Variants in MBD5 observed in about 807,000 individuals in gnomAD.
The protein encoded by MBD5 is methyl-CpG-binding domain protein 5.
MBD5 carries 13 observed loss-of-function variants against 117.3 expected under a neutral mutation model. That is an observed-to-expected ratio of 0.11 (90% CI 0.07 to 0.18). The LOEUF is 0.18. MBD5 is among the 10% of genes least tolerant of loss of function. The pLI, the probability that MBD5 is intolerant of heterozygous loss-of-function variation, is 1.00. For synonymous variants in MBD5, 727 were observed against 766.4 expected, an observed-to-expected ratio of 0.95 and a Z score of 0.85; for missense variants, 1,879 against 2,093.8, an observed-to-expected ratio of 0.90 and a Z score of 2.00.
chr2:148,434,059 A>C (rs139193392), intron 4 of MBD5, among the ~76,000 whole-genome samples: 1 of 151,626 alleles, frequency 6.6e-6, no homozygotes, highest in East Asian at 1.9e-4. Context: ...TACTGATTCA[A>C]TTTCAGAACT....
chr2:148,460,854 T>G (rs1276578967), intron 5 of MBD5, among the ~76,000 whole-genome samples: 1 of 152,192 alleles, frequency 6.6e-6, no homozygotes, highest in African/African-American at 2.4e-5. Flanking sequence ...ATATACTTTC[T>G]TCTAAGTTAA....
At chr2:148,196,486 G>A (rs1386424779) in intron 2 of MBD5, among the ~76,000 whole-genome samples, 3 of 152,106 alleles carry the variant, frequency 2.0e-5, no homozygotes, top group Non-Finnish European at 4.4e-5. Context: ...GAAGACATTG[G>A]TATTAAAAGA....
At chr2:148,324,334 C>G (rs1702381715) in intron 3 of MBD5, among the ~76,000 whole-genome samples, 1 of 152,034 alleles carries the variant, frequency 6.6e-6, no homozygotes, top group Non-Finnish European at 1.5e-5. Flanking sequence ...TTTTGTGGTT[C>G]CATATGAACT....
intron 4 of MBD5, among the ~76,000 whole-genome samples, chr2:148,424,035 A>G (rs1206928360): frequency 2.0e-5 from 3 of 151,510 alleles, no homozygotes; most frequent in Non-Finnish European, 2.9e-5. Flanking sequence ...AAAATTACCC[A>G]TGCATGGTGG....
At chr2:148,365,307 A>G (rs1414950298) in intron 4 of MBD5, among the ~76,000 whole-genome samples, 1 of 152,222 alleles carries the variant, frequency 6.6e-6, no homozygotes, top group Non-Finnish European at 1.5e-5. Context: ...CAAAGACACA[A>G]CATACCAGAA....
At chr2:148,145,012 G>A (rs570671503) in intron 1 of MBD5, among the ~76,000 whole-genome samples, 2 of 152,288 alleles carry the variant, frequency 1.3e-5, no homozygotes, top group South Asian at 2.1e-4. Context: ...GATGGGGATG[G>A]CATCGAATCT....
intron 4 of MBD5, among the ~76,000 whole-genome samples, chr2:148,436,678 T>A (rs922043976): frequency 1.2e-4 from 19 of 152,136 alleles, no homozygotes; most frequent in African/African-American, 4.6e-4. Context: ...GGCCCTTGCT[T>A]TTCTAGATTA....
chr2:148,500,008 G>A (rs1681824257), intron 11 of MBD5, among the ~76,000 whole-genome samples: 1 of 151,924 alleles, frequency 6.6e-6, no homozygotes, highest in South Asian at 2.1e-4. Flanking sequence ...TTTAGTTTCA[G>A]GACTATATTT....
intron 4 of MBD5, among the ~76,000 whole-genome samples, chr2:148,424,134 C>T (rs539439357): frequency 1.2e-3 from 148 of 125,294 alleles, no homozygotes; most frequent in South Asian, 0.012. Flanking sequence ...GCTGAGATTG[C>T]GCCACTGCAC....
intron 3 of MBD5, among the ~76,000 whole-genome samples, chr2:148,238,265 C>T (rs1273854672): frequency 6.6e-6 from 1 of 152,144 alleles, no homozygotes; most frequent in African/African-American, 2.4e-5. Flanking sequence ...ATCCAGAAAC[C>T]ACATTAGAAA....
chr2:148,512,844 T>G (rs1682258453), intron 13 of MBD5, 26 bp from the exon 14 acceptor site: 1 of 1,600,576 alleles, frequency 6.2e-7, no homozygotes, highest in Non-Finnish European at 8.6e-7. Context: ...GTTGTTGTTG[T>G]TTTTTTTCTA....
At chr2:148,198,642 G>C (rs1196045140) in intron 2 of MBD5, among the ~76,000 whole-genome samples, 1 of 151,626 alleles carries the variant, frequency 6.6e-6, no homozygotes, top group Non-Finnish European at 1.5e-5. Flanking sequence ...TTCATTCTAT[G>C]AAAGTTATAA....
rs1206386713 is a variant in MBD5, at chr2:148,479,845, T to C, written c.2519-3265T>C. ...TTCCCTGACATGTTCAGTTTTATAGTGGTCTCCTTATTATACACCTGTTAT... is the reference window on the plus strand; with the variant it reads ...TTCCCTGACATGTTCAGTTTTATAGCGGTCTCCTTATTATACACCTGTTAT... On this transcript the variant is annotated intron_variant, in intron 8 of 13. Coordinates refer to ENST00000642680, the MANE Select transcript of MBD5 (RefSeq NM_001378120.1). Among the ~76,000 whole-genome samples, 10 of 152,130 alleles carry C rather than the reference T, an allele frequency of 6.6e-5. No homozygotes were observed. In the East Asian group the frequency reaches 1.7e-3, roughly 26 times the overall value.
intron 1 of MBD5, among the ~76,000 whole-genome samples, chr2:148,132,236 G>A (rs965177977): frequency 4.6e-5 from 7 of 151,592 alleles, no homozygotes; most frequent in African/African-American, 1.7e-4. Context: ...TATATGAACT[G>A]TGGTAGTTTT....
intron 2 of MBD5, among the ~76,000 whole-genome samples, chr2:148,216,236 G>T (rs971720494): frequency 1.3e-5 from 2 of 152,072 alleles, no homozygotes; most frequent in African/African-American, 2.4e-5. Context: ...AAACCTGGCC[G>T]ATCAAGCTTA....
chr2:148,442,081 C>A (rs2105406044), intron 4 of MBD5, among the ~76,000 whole-genome samples: 1 of 151,926 alleles, frequency 6.6e-6, no homozygotes, highest in South Asian at 2.1e-4. Flanking sequence ...ATGGTAGTTT[C>A]TTTGCTGTGC....
intron 4 of MBD5, among the ~76,000 whole-genome samples, chr2:148,434,636 T>C (rs540206840): frequency 1.3e-5 from 2 of 152,248 alleles, no homozygotes; most frequent in South Asian, 4.1e-4. Context: ...TGGTTGATTT[T>C]GGTTCTTTGC....
chr2:148,247,020 C>A (rs1055446393), intron 3 of MBD5, among the ~76,000 whole-genome samples: 1 of 152,042 alleles, frequency 6.6e-6, no homozygotes, highest in African/African-American at 2.4e-5. Context: ...AAATATTATT[C>A]TCTGCAACAC....
intron 3 of MBD5, among the ~76,000 whole-genome samples, chr2:148,327,572 C>T (rs1044755396): frequency 3.3e-5 from 5 of 151,814 alleles, no homozygotes; most frequent in African/African-American, 1.2e-4. Context: ...AACTTCCCTT[C>T]TCGCTTCATT....
Sources: allele counts gnomAD v4.1 joint callset (sites outside exome capture counted in the v4.1 genomes callset), GRCh38; gene constraint gnomAD v4.1.1; transcripts MANE v1.5; gene names NCBI Gene and HGNC (gene_info 2026-07-23, HGNC 2026-07-21).